The following TANC2 variants were observed in gnomAD, a reference collection of about 807,000 sequenced individuals.
TANC2 encodes tetratricopeptide repeat, ankyrin repeat and coiled-coil containing 2.
A neutral mutation model predicts 210.5 loss-of-function variants in TANC2; 26 were observed. The observed-to-expected ratio is 0.12, with a 90% CI of 0.09 to 0.17. The LOEUF (loss-of-function observed/expected upper bound fraction) is 0.17, where lower values mean the gene tolerates loss of function less well. TANC2 is among the 10% of genes least tolerant of loss of function. The probability of loss-of-function intolerance (pLI) is 1.00; values close to 1 mark genes in which losing one functional copy is unlikely to be tolerated. For synonymous variants in TANC2, 931 were observed against 967.1 expected (o/e 0.96, Z 0.69); for missense variants, 2,129 against 2,608.9 (o/e 0.82, Z 4.01).
intron 9 of TANC2, among the ~76,000 whole-genome samples, chr17:63,299,317 T>C (rs1231876269): frequency 5.3e-5 from 8 of 152,172 alleles, no homozygotes; most frequent in Non-Finnish European, 1.2e-4. Context: ...TAAATGGTAT[T>C]TTTGGGTCTA....
intron 3 of TANC2, among the ~76,000 whole-genome samples, chr17:63,098,507 C>A (rs1385836653): frequency 1.2e-5 from 1 of 86,340 alleles, no homozygotes; most frequent in African/African-American, 7.7e-5. Flanking sequence ...CTCTCTCTCT[C>A]TCTGTGTGTA....
intron 1 of TANC2, among the ~76,000 whole-genome samples, chr17:62,989,965 G>A (rs1226262966): frequency 6.6e-6 from 1 of 151,628 alleles, no homozygotes; most frequent in Non-Finnish European, 1.5e-5. Flanking sequence ...GTAGAGATGG[G>A]GTTTCACCGT....
At position 63,095,276 on chromosome 17, in the gene TANC2, A is replaced by G. The variant is rs8075888; in HGVS notation, c.140-3899A>G. On this transcript the variant is annotated intron_variant, in intron 3 of 27. Coordinates refer to ENST00000689528, the Ensembl canonical transcript of TANC2. ...CTGCAGCCTCAAACTCCTGGGCTCA[A>G]TTGATCCTCCTACTTCAGCCTTCCG... 1.7e-3 allele frequency among the ~76,000 whole-genome samples: 255 copies of G among 152,180 alleles called. 1 individual carries two copies. The highest frequency in any genetic ancestry group is 6.0e-3 in the African/African-American group (248 of 41,534).
At chr17:63,247,520 A>G (rs189062730) in intron 8 of TANC2, among the ~76,000 whole-genome samples, 42 of 151,912 alleles carry the variant, frequency 2.8e-4, no homozygotes, top group Non-Finnish European at 4.9e-4. Flanking sequence ...ACATCATCCT[A>G]AATTGTTACA....
intron 18 of TANC2, among the ~76,000 whole-genome samples, chr17:63,398,417 C>T (rs1352488314): frequency 2.7e-5 from 4 of 150,924 alleles, no homozygotes; most frequent in Non-Finnish European, 5.9e-5. Context: ...GAACACATTA[C>T]TGCACTCCAG....
chr17:63,005,899 TGTGTG>T (rs2033605004), intron 1 of TANC2, among the ~76,000 whole-genome samples: 1 of 27,696 alleles, frequency 3.6e-5, no homozygotes, highest in Non-Finnish European at 7.2e-5. Flanking sequence ...GTATAGTTTG[TGTGTG>T]TGTGTGTGTG....
At chr17:63,347,178 A>C (rs1361293939) in intron 12 of TANC2, among the ~76,000 whole-genome samples, 1 of 152,224 alleles carries the variant, frequency 6.6e-6, no homozygotes, top group Non-Finnish European at 1.5e-5. Flanking sequence ...GTGTCCATCA[A>C]CAGAATAGAT....
intron 5 of TANC2, among the ~76,000 whole-genome samples, chr17:63,169,414 G>A (rs761520751): frequency 7.2e-5 from 11 of 152,138 alleles, no homozygotes; most frequent in Admixed American, 6.5e-5. Flanking sequence ...CTGGTTAACA[G>A]ATGCTTCCCA....
intron 7 of TANC2, among the ~76,000 whole-genome samples, chr17:63,222,827 C>A (rs748438162): frequency 6.6e-6 from 1 of 152,048 alleles, no homozygotes; most frequent in Non-Finnish European, 1.5e-5. Context: ...CAAACAGATA[C>A]TACATGAATG....
At position 63,418,298 on chromosome 17, in the gene TANC2, T is replaced by C. The variant is rs745622225; in HGVS notation, c.4168-9T>C. 2 of 1,611,842 alleles carry C rather than the reference T, an allele frequency of 1.2e-6. No individual in the cohort carries two copies. Among genetic ancestry groups the C allele is most frequent in the Non-Finnish European group, 1.7e-6 (2 of 1,178,860 alleles). On this transcript the variant is annotated splice_polypyrimidine_tract_variant and intron_variant, in intron 26 of 27. Coordinates refer to ENST00000689528, the Ensembl canonical transcript of TANC2. The surrounding 1 kb of genome is among the most constrained non-coding windows in gnomAD (Gnocchi z 4.6). ...CAATGACTCATTTGCACACCTATTG[T>C]AATGACAGGATTTTGGAATGGCGGA...
intron 9 of TANC2, among the ~76,000 whole-genome samples, chr17:63,311,780 A>C (rs535091978): frequency 6.6e-6 from 1 of 152,258 alleles, no homozygotes; most frequent in Non-Finnish European, 1.5e-5. Flanking sequence ...ATACAATGGA[A>C]TATTATTCAG....
intron 7 of TANC2, among the ~76,000 whole-genome samples, chr17:63,203,878 G>T (rs1192387349): frequency 6.6e-6 from 1 of 152,170 alleles, no homozygotes; most frequent in East Asian, 1.9e-4. Context: ...TCCAAGGAAG[G>T]TGTGTGGAAA....
At chr17:63,007,721 T>C (rs1389701101) in intron 1 of TANC2, among the ~76,000 whole-genome samples, 1 of 152,164 alleles carries the variant, frequency 6.6e-6, no homozygotes, top group African/African-American at 2.4e-5. Context: ...ACCCTACTCC[T>C]TCCTTTTTTA....
intron 5 of TANC2, among the ~76,000 whole-genome samples, chr17:63,164,814 T>G (rs1284694531): frequency 6.6e-6 from 1 of 152,194 alleles, no homozygotes; most frequent in African/African-American, 2.4e-5. Flanking sequence ...TTTCTTTTAT[T>G]CAGACCCTCA....
chr17:63,212,823 A>G (rs2041925288), intron 7 of TANC2, among the ~76,000 whole-genome samples: 1 of 152,220 alleles, frequency 6.6e-6, no homozygotes, highest in Non-Finnish European at 1.5e-5. Flanking sequence ...TGTGCCACAA[A>G]TTAACTCAAA....
intron 7 of TANC2, among the ~76,000 whole-genome samples, chr17:63,224,618 C>T (rs1487352083): frequency 1.3e-5 from 2 of 152,176 alleles, no homozygotes; most frequent in Non-Finnish European, 2.9e-5. Flanking sequence ...TGTATCCTCA[C>T]TGATATTAGA....
At chr17:62,995,248 G>A (rs1272198295) in intron 1 of TANC2, among the ~76,000 whole-genome samples, 1 of 152,198 alleles carries the variant, frequency 6.6e-6, no homozygotes, top group Non-Finnish European at 1.5e-5. Context: ...GCCTGCAGTG[G>A]CTTAGATAGT....
At chr17:63,098,445 C>CT (rs1333788319) in intron 3 of TANC2, among the ~76,000 whole-genome samples, 2 of 74,174 alleles carry the variant, frequency 2.7e-5, no homozygotes, top group African/African-American at 2.8e-4. Flanking sequence ...CACACACACA[C>CT]ACACACACAC....
chr17:63,309,020 T>C (rs1368273994), intron 9 of TANC2, among the ~76,000 whole-genome samples: 1 of 152,204 alleles, frequency 6.6e-6, no homozygotes, highest in African/African-American at 2.4e-5. Context: ...TTCTACTGTT[T>C]TACTAAATTT....
Sources: gnomAD v4.1 joint callset for allele counts (sites outside exome capture counted in the v4.1 genomes callset) on GRCh38, gnomAD v4.1.1 for gene constraint, Gnocchi (gnomAD v3.1) non-coding constraint, MANE v1.5 for transcripts, NCBI Gene and HGNC (gene_info 2026-07-23, HGNC 2026-07-21) for gene names.